Variants in CNTN4 observed in about 807,000 individuals in gnomAD.
The protein encoded by CNTN4 is contactin 4, also known as contactin-4.
CNTN4 carries 77 observed loss-of-function variants against 122.5 expected under a neutral mutation model. The ratio of observed to expected loss-of-function variants is 0.63; its 90% CI spans 0.52 to 0.76. CNTN4 has a LOEUF of 0.76. CNTN4 is among the 30% of genes least tolerant of loss of function. CNTN4 has a pLI of 0.00. For missense variants in CNTN4, 1,256 were observed against 1,259.1 expected, an observed-to-expected ratio of 1.00 and a Z score of 0.04; for synonymous variants, 512 against 447.0, an observed-to-expected ratio of 1.15 and a Z score of -1.83.
chr3:2,840,626 GA>G (rs2093343229), intron 7 of CNTN4, among the ~76,000 whole-genome samples: 1 of 134,802 alleles, frequency 7.4e-6, no homozygotes, highest in Non-Finnish European at 1.6e-5. Context: ...GGGAACCCGG[GA>G]GGCGGAGCTT....
intron 4 of CNTN4, among the ~76,000 whole-genome samples, chr3:2,733,718 T>C (rs1226584165): frequency 6.6e-6 from 1 of 151,892 alleles, no homozygotes; most frequent in Admixed American, 6.6e-5. Flanking sequence ...GAATTTTTAG[T>C]AGTGATGGGG....
At chr3:2,549,757 T>C (rs1287873806) in intron 3 of CNTN4, among the ~76,000 whole-genome samples, 1 of 152,176 alleles carries the variant, frequency 6.6e-6, no homozygotes, top group Non-Finnish European at 1.5e-5. Context: ...TTGTTTGGAA[T>C]AGTTTCAGAA....
intron 5 of CNTN4, among the ~76,000 whole-genome samples, chr3:2,743,442 T>C (rs982898460): frequency 1.3e-5 from 2 of 152,224 alleles, no homozygotes; most frequent in Admixed American, 6.5e-5. Flanking sequence ...TCTTCTTATA[T>C]ACAAACACAT....
At chr3:2,899,548 G>A (rs2094150355) in intron 10 of CNTN4, among the ~76,000 whole-genome samples, 1 of 152,094 alleles carries the variant, frequency 6.6e-6, no homozygotes, top group African/African-American at 2.4e-5. Context: ...GGCATGAATT[G>A]TGCTTGAGGC....
intron 7 of CNTN4, among the ~76,000 whole-genome samples, chr3:2,866,073 C>G (rs2093720839): frequency 6.6e-6 from 1 of 152,074 alleles, no homozygotes; most frequent in Non-Finnish European, 1.5e-5. Context: ...TTAAACTGCT[C>G]TCTTACTAAA....
chr3:2,897,278 C>T (rs1230493770), intron 10 of CNTN4, among the ~76,000 whole-genome samples: 3 of 152,112 alleles, frequency 2.0e-5, no homozygotes, highest in South Asian at 4.1e-4. Flanking sequence ...AAGCATTTAA[C>T]ATTATATTTG....
intron 3 of CNTN4, among the ~76,000 whole-genome samples, chr3:2,403,322 G>C (rs1423727754): frequency 6.6e-6 from 1 of 151,974 alleles, no homozygotes; most frequent in African/African-American, 2.4e-5. Flanking sequence ...TGAGAGTTAG[G>C]ACTTCAATAT....
At chr3:2,115,215 A>T (rs1314755800) in intron 2 of CNTN4, among the ~76,000 whole-genome samples, 2 of 152,182 alleles carry the variant, frequency 1.3e-5, no homozygotes. Context: ...TAACATAAGG[A>T]TGAAGAAATG....
chr3:2,640,255 T>C (rs886618950), intron 4 of CNTN4, among the ~76,000 whole-genome samples: 9 of 152,186 alleles, frequency 5.9e-5, no homozygotes, highest in Admixed American at 1.3e-4. Flanking sequence ...AACACCAACA[T>C]ATTATACATG....
At chr3:2,304,862 G>T (rs1198940070) in intron 2 of CNTN4, among the ~76,000 whole-genome samples, 29 of 151,262 alleles carry the variant, frequency 1.9e-4, no homozygotes, top group Non-Finnish European at 7.4e-5. Flanking sequence ...TGGTAAGATT[G>T]TATCTTTTGA....
intron 12 of CNTN4, among the ~76,000 whole-genome samples, chr3:2,925,065 G>A (rs1245461075): frequency 1.3e-5 from 2 of 152,202 alleles, no homozygotes; most frequent in Non-Finnish European, 2.9e-5. Context: ...TCAACAGGGA[G>A]ATGAGAATAT....
At chr3:2,122,350 T>C (rs1178726714) in intron 2 of CNTN4, among the ~76,000 whole-genome samples, 1 of 152,146 alleles carries the variant, frequency 6.6e-6, no homozygotes, top group East Asian at 1.9e-4. Context: ...TATAACTGAT[T>C]TTGTCAGTTA....
At chr3:2,735,533 C>T (rs907561767) in intron 4 of CNTN4, among the ~76,000 whole-genome samples, 9 of 152,184 alleles carry the variant, frequency 5.9e-5, no homozygotes, top group African/African-American at 2.2e-4. Flanking sequence ...AATCATTGCA[C>T]CTGTTATAGA....
At chr3:2,376,999 T>C (rs2045843897) in intron 3 of CNTN4, among the ~76,000 whole-genome samples, 1 of 151,894 alleles carries the variant, frequency 6.6e-6, no homozygotes, top group South Asian at 2.1e-4. Flanking sequence ...CTACTAAAAA[T>C]ACAAAAATTA....
In CNTN4 at chr3:2,925,864, G is replaced by A. The variant is rs1256634976; in HGVS notation, c.1358+85G>A. The A allele has an allele frequency of 4.3e-6, 5 of 1,170,352 alleles. No homozygotes were observed. In the African/African-American group the frequency reaches 6.0e-5, roughly 14 times the overall value. The allele number at this position is 1,170,352 out of a possible 1,614,324, so 72.5% of individuals were successfully genotyped here. On this transcript the variant is annotated intron_variant, in intron 13 of 24. Coordinates refer to ENST00000418658, the MANE Select transcript of CNTN4 (RefSeq NM_175607.3). ...TTAATAATTCTAAGGGGAAGGTGGG[G>A]TGACTATCTGCTGTTCCTGAACTAA...
intron 6 of CNTN4, among the ~76,000 whole-genome samples, chr3:2,767,804 C>A (rs1370263050): frequency 6.6e-6 from 1 of 152,184 alleles, no homozygotes; most frequent in Non-Finnish European, 1.5e-5. Context: ...ACCTGACAAC[C>A]CAGCACCTAG....
intron 4 of CNTN4, among the ~76,000 whole-genome samples, chr3:2,734,771 C>T (rs1361898493): frequency 4.6e-5 from 7 of 151,442 alleles, no homozygotes; most frequent in African/African-American, 1.7e-4. Flanking sequence ...TGAATGAATT[C>T]AGTCTCATCC....
At position 2,961,231 on chromosome 3, in the gene CNTN4, C is replaced by CAAAA. The variant is rs59790353; in HGVS notation, c.1359-27098_1359-27095dup. On this transcript the variant is annotated intron_variant, in intron 13 of 24. Transcript: ENST00000418658. ...GGCGACAGAACGAGACTCCATCTCA[C>CAAAA]AAAAAAAAAAAAAAAAAAAGGCCTA... 2.7e-3 allele frequency among the ~76,000 whole-genome samples: 101 copies of CAAAA among 37,236 alleles called. 7 individuals carry two copies. The highest frequency in any genetic ancestry group is 4.9e-3 in the African/African-American group (49 of 10,030). The allele number at this position is 37,236 out of a possible 152,430, so 24.4% of individuals were successfully genotyped here.
At chr3:2,973,192 G>A (rs781772476) in intron 13 of CNTN4, among the ~76,000 whole-genome samples, 10 of 152,156 alleles carry the variant, frequency 6.6e-5, no homozygotes, top group South Asian at 2.1e-4. Flanking sequence ...ATTTAGAAAC[G>A]AGAGGAGGAT....
Sources: allele counts gnomAD v4.1 joint callset (sites outside exome capture counted in the v4.1 genomes callset), GRCh38; gene constraint gnomAD v4.1.1; transcripts MANE v1.5; gene names NCBI Gene and HGNC (gene_info 2026-07-23, HGNC 2026-07-21).